Variants in CDK7 observed in about 807,000 individuals in gnomAD.
CDK7 encodes cyclin-dependent kinase 7.
Under a neutral mutation model 49.1 loss-of-function variants are expected in CDK7, and 25 were observed. The observed-to-expected ratio is 0.51, with a 90% CI of 0.37 to 0.71. The LOEUF is 0.71. CDK7 is among the 30% of genes least tolerant of loss of function. CDK7 has a pLI of 0.00. For missense variants in CDK7, 316 were observed against 411.7 expected, an observed-to-expected ratio of 0.77 and a Z score of 2.01; for synonymous variants, 107 against 140.0, an observed-to-expected ratio of 0.76 and a Z score of 1.67.
At chr5:69,269,601 A>G (rs540019723) in intron 9 of CDK7, among the ~76,000 whole-genome samples, 12 of 152,168 alleles carry the variant, frequency 7.9e-5, no homozygotes, top group African/African-American at 2.9e-4. Context: ...AAAGGGTTGC[A>G]TGTTCTTTGA....
intron 5 of CDK7, 155 bp downstream of exon 5, chr5:69,255,683 T>C (rs1246695181): frequency 7.3e-6 from 5 of 688,294 alleles, no homozygotes. Flanking sequence ...GGATCTCTAG[T>C]TATTTTCTTC....
Position 69,277,089 on chromosome 5 carries a change from GTT to G in CDK7, c.1013-17_1013-16del. 6.4e-7 allele frequency: 1 copy of G among 1,569,364 alleles called. No homozygotes were observed. The highest frequency in any genetic ancestry group is 8.6e-7 in the Non-Finnish European group (1 of 1,159,486). On this transcript the variant is annotated splice_polypyrimidine_tract_variant and intron_variant, in intron 11 of 11. Transcript: ENST00000256443. ...AATGTGAACAACTTTTTTTTTTCTTGTTCTTTTTGCTTCCTAGGAGGATTGCC... is the reference window on the plus strand; with the variant it reads ...AATGTGAACAACTTTTTTTTTTCTTGCTTTTTGCTTCCTAGGAGGATTGCC...
intron 2 of CDK7, among the ~76,000 whole-genome samples, chr5:69,245,182 TG>T (rs1399296705): frequency 6.6e-6 from 1 of 152,120 alleles, no homozygotes; most frequent in Non-Finnish European, 1.5e-5. Context: ...AGGGTAATAC[TG>T]GCCCCATAGA....
Position 69,269,242 on chromosome 5 carries a change from G to T in CDK7, c.663G>T (p.Gln221His), listed in dbSNP as rs1303435780. 8 of 1,612,280 alleles carry T rather than the reference G, an allele frequency of 5.0e-6. No homozygotes were observed. The South Asian group carries it at 8.8e-5, about 18-fold the overall frequency. Reference protein sequence around the residue: ...PFLPGDSDLDQLTRIFETLGT... With the variant: ...PFLPGDSDLDHLTRIFETLGT... ...TGCCAGGAGATTCAGACCTTGATCA[G>T]CTAACAAGAATATTTGAAACTTTGG... The change falls in exon 9 of 12, where the codon CAG becomes CAT. Residue 221 changes from glutamine to histidine, a missense_variant. Coordinates refer to ENST00000256443, the MANE Select transcript of CDK7 (RefSeq NM_001799.4).
chr5:69,269,999 A>T (rs867867435), intron 9 of CDK7, among the ~76,000 whole-genome samples: 1 of 147,164 alleles, frequency 6.8e-6, no homozygotes, highest in African/African-American at 2.5e-5. Context: ...TGGGAGGCTG[A>T]GGCGGGCAGA....
chr5:69,234,867 A>C (rs1748832712), upstream of CDK7: 9 of 1,128,184 alleles, frequency 8.0e-6, no homozygotes, highest in Non-Finnish European at 1.2e-5. Flanking sequence ...TACTAAAGCG[A>C]CGGAGCCCGG....
chr5:69,272,901 A>T lies in CDK7; in HGVS notation c.724A>T (p.Ser242Cys), dbSNP rs765755814. 2.5e-6 allele frequency: 4 copies of T among 1,584,530 alleles called. No homozygotes were observed. In the Admixed American group the frequency reaches 5.1e-5, roughly 20 times the overall value. The part of the protein sequence containing the change: ...PTEEQWPDMC[S>C]LPDYVTFKSF... ...AAAATTATTTTTACAGGACATGTGT[A>T]GTCTTCCAGATTATGTGACATTTAA... The change falls in exon 10 of 12, where the codon AGT becomes TGT. Residue 242 changes from serine (S) to cysteine (C), a missense_variant. Transcript: ENST00000256443.
chr5:69,251,583 A>G (rs1456242600), intron 2 of CDK7, among the ~76,000 whole-genome samples: 1 of 152,052 alleles, frequency 6.6e-6, no homozygotes, highest in East Asian at 1.9e-4. Context: ...TCTGTTGCCT[A>G]GGCTGGAGTA....
intron 9 of CDK7, among the ~76,000 whole-genome samples, chr5:69,270,204 G>A (rs1751441674): frequency 6.6e-6 from 1 of 152,130 alleles, no homozygotes; most frequent in Non-Finnish European, 1.5e-5. Context: ...GGGAGACTGA[G>A]GTAAATGGGT....
intron 5 of CDK7, 139 bp from the exon 6 acceptor site, chr5:69,257,904 C>G: frequency 1.6e-6 from 1 of 612,576 alleles, no homozygotes; most frequent in Non-Finnish European, 2.9e-6. Flanking sequence ...TTTGACAGGG[C>G]TTCCTGAGGA....
At position 69,255,643 on chromosome 5, in the gene CDK7, G is replaced by T. The variant is rs762014186; in HGVS notation, c.297+115G>T. The T allele has an allele frequency of 6.1e-6, 5 of 820,172 alleles. No individual in the cohort carries two copies. In the South Asian group the frequency reaches 6.8e-5, roughly 11 times the overall value. The allele number at this position is 820,172 out of a possible 1,614,324, so 50.8% of individuals were successfully genotyped here. ...AGTAAAAGAAAAAAAGCTTAATTTT[G>T]TTGAAATTTGGATGTACTCTGAGGC... is the stretch of plus-strand genomic sequence containing the variant. On this transcript the variant is annotated intron_variant, in intron 5 of 11. Transcript: ENST00000256443.
intron 8 of CDK7, among the ~76,000 whole-genome samples, chr5:69,262,639 A>C (rs1272114774): frequency 2.0e-5 from 3 of 149,992 alleles, no homozygotes; most frequent in African/African-American, 7.3e-5. Flanking sequence ...ACTGCACTCC[A>C]GCCTGGGCAA....
intron 8 of CDK7, among the ~76,000 whole-genome samples, chr5:69,267,025 A>G (rs2150224213): frequency 6.6e-6 from 1 of 152,320 alleles, no homozygotes; most frequent in East Asian, 1.9e-4. Context: ...CATGTATTTA[A>G]TACAAATAAG....
intron 5 of CDK7, among the ~76,000 whole-genome samples, chr5:69,256,726 C>G (rs1162703267): frequency 1.3e-5 from 2 of 151,914 alleles, no homozygotes; most frequent in African/African-American, 4.8e-5. Context: ...ATTAGTGATG[C>G]TGTTATAGAT....
chr5:69,275,892 C>T (rs1352922658), intron 10 of CDK7, among the ~76,000 whole-genome samples: 3 of 152,138 alleles, frequency 2.0e-5, no homozygotes, highest in Admixed American at 2.0e-4. Context: ...ATCTTGGCTT[C>T]CATCCCCAAG....
chr5:69,236,979 T>TTTA (rs1280674683), intron 2 of CDK7, among the ~76,000 whole-genome samples: 1 of 133,160 alleles, frequency 7.5e-6, no homozygotes, highest in East Asian at 2.3e-4. Context: ...TTTTTTTTTT[T>TTTA]AACTTTTTTA....
chr5:69,250,867 C>T, intron 2 of CDK7: 1 of 456,616 alleles, frequency 2.2e-6, no homozygotes, highest in Non-Finnish European at 4.4e-6. Flanking sequence ...TTATTCAGGG[C>T]CCAGGGGCTC....
At chr5:69,254,247 G>A (rs1750333956) in intron 3 of CDK7, among the ~76,000 whole-genome samples, 1 of 152,074 alleles carries the variant, frequency 6.6e-6, no homozygotes, top group African/African-American at 2.4e-5. Flanking sequence ...TTTGTGGCTG[G>A]GTGTGGTGGC....
In CDK7 at chr5:69,259,815, T is replaced by C. The variant is rs1220814449; in HGVS notation, c.409-3T>C. 3.7e-6 allele frequency: 6 copies of C among 1,602,498 alleles called. No homozygotes were observed. The highest frequency in any genetic ancestry group is 4.5e-5 in the East Asian group (2 of 44,848). On this transcript the variant is annotated splice_region_variant and splice_polypyrimidine_tract_variant and intron_variant, in intron 6 of 11. Coordinates refer to ENST00000256443, the MANE Select transcript of CDK7 (RefSeq NM_001799.4). ...TTGTTTGTTTAAAACTTCCGTCATA[T>C]AGGATCTGAAACCAAACAACTTGTT... is the stretch of plus-strand genomic sequence containing the variant.
Sources: gnomAD v4.1 joint callset for allele counts (sites outside exome capture counted in the v4.1 genomes callset) on GRCh38, gnomAD v4.1.1 for gene constraint, MANE v1.5 for transcripts, NCBI Gene and HGNC (gene_info 2026-07-23, HGNC 2026-07-21) for gene names.